SCN1A: variants seen among roughly 807,000 people sequenced by gnomAD.
SCN1A encodes sodium voltage-gated channel alpha subunit 1, also known as sodium channel protein type 1 subunit alpha.
A neutral mutation model predicts 193.7 loss-of-function variants in SCN1A; 13 were observed. That is an observed-to-expected ratio of 0.07 (90% CI 0.04 to 0.11). The LOEUF is 0.11. Among genes scored for constraint, SCN1A ranks in the 10% least tolerant of loss-of-function variants. The pLI is 1.00. For synonymous variants in SCN1A, 781 were observed against 843.6 expected, an observed-to-expected ratio of 0.93 and a Z score of 1.29; for missense variants, 1,432 against 2,451.1, an observed-to-expected ratio of 0.58 and a Z score of 8.78.
intron 4 of SCN1A, among the ~76,000 whole-genome samples, chr2:166,067,700 C>CTTTTTTT (rs5836079): frequency 1.6e-5 from 2 of 128,370 alleles, no homozygotes; most frequent in African/African-American, 2.9e-5. Flanking sequence ...GAGTACATAG[C>CTTTTTTT]TTTTTTTTTT....
chr2:166,146,356 A>G (rs1267313510), intron 1 of SCN1A, among the ~76,000 whole-genome samples: 1 of 152,122 alleles, frequency 6.6e-6, no homozygotes. Flanking sequence ...ATAAGTTTTA[A>G]CCTACCTACT....
In SCN1A at chr2:166,127,875, A is replaced by G. The variant is rs1691431253; in HGVS notation, c.-333T>C. 1 of 152,098 alleles carries G rather than the reference A, an allele frequency of 6.6e-6. No homozygotes were observed. The highest frequency in any genetic ancestry group is 2.4e-5 in the African/African-American group (1 of 41,390). The allele number at this position is 152,098 out of a possible 1,614,324, so 9.4% of individuals were successfully genotyped here. On this transcript the variant is annotated 5_prime_UTR_variant, in exon 1 of 29. Transcript: ENST00000674923. ...TGCAATTGTTCAGATTCCTTCTTGC[A>G]AAAGGTGTCAAAGTATTTACAAGGG...
chr2:166,002,359 T>G (rs1691008422), intron 24 of SCN1A, 113 bp downstream of exon 24: 1 of 1,182,090 alleles, frequency 8.5e-7, no homozygotes, highest in Non-Finnish European at 1.2e-6. Context: ...TTGAAATTTT[T>G]TAAATAGAAA....
In SCN1A at chr2:165,991,202, G is replaced by A. The variant is rs921776771; in HGVS notation, c.*43C>T. 3.3e-6 allele frequency: 5 copies of A among 1,518,764 alleles called. No homozygotes were observed. In the South Asian group the frequency reaches 4.7e-5, roughly 14 times the overall value. 94.1% of individuals were successfully genotyped at this position (1,518,764 alleles called of 1,614,324 possible). ...TGATAAAAATACATCACCTTCACAG[G>A]CTGTAAACAATTTGTCACCCAATTA... On this transcript the variant is annotated 3_prime_UTR_variant, in exon 29 of 29. Transcript: ENST00000674923.
intron 2 of SCN1A, among the ~76,000 whole-genome samples, chr2:166,103,512 A>G (rs981586283): frequency 3.9e-5 from 6 of 151,978 alleles, no homozygotes; most frequent in Non-Finnish European, 8.8e-5. Context: ...AAGTATAACA[A>G]TAAGTTATCT....
rs761115210 is a variant in SCN1A, at chr2:166,036,332, T to G, written c.3145A>C (p.Lys1049Gln). 1.2e-6 allele frequency: 2 copies of G among 1,610,814 alleles called. No homozygotes were observed. Among genetic ancestry groups the G allele is most frequent in the Non-Finnish European group, 1.7e-6 (2 of 1,178,958 alleles). ...IRKQKILDEI[K>Q]PLDDLNNKKD... ...TTGTTGTTTAGATCATCAAGTGGTT[T>G]AATTTCATCTAAAATCTTTTGTTTC... Residue 1049 changes from lysine (K) to glutamine (Q), a missense_variant, in exon 19 of 29, where the codon AAA becomes CAA. By Grantham distance (53) the Lys-to-Gln change is moderately conservative. Coordinates refer to ENST00000674923, the MANE Select transcript of SCN1A (RefSeq NM_001165963.4).
At chr2:166,116,372 T>G (rs1177013824) in intron 2 of SCN1A, among the ~76,000 whole-genome samples, 2 of 152,210 alleles carry the variant, frequency 1.3e-5, no homozygotes, top group African/African-American at 4.8e-5. Flanking sequence ...GCAACAATTT[T>G]TACTCACTTT....
At chr2:166,021,863 C>G (rs1398949368) in intron 19 of SCN1A, among the ~76,000 whole-genome samples, 2 of 152,056 alleles carry the variant, frequency 1.3e-5, no homozygotes, top group East Asian at 3.9e-4. Flanking sequence ...CCTTAAGTGG[C>G]TGAAGGCTTT....
intron 2 of SCN1A, among the ~76,000 whole-genome samples, chr2:166,122,979 A>G (rs1484293742): frequency 6.6e-6 from 1 of 152,144 alleles, no homozygotes; most frequent in African/African-American, 2.4e-5. Flanking sequence ...GAGAAAAGCT[A>G]AAATGTCAGG....
intron 5 of SCN1A, 48 bp from the exon 6 acceptor site, chr2:166,056,548 T>C (rs771629655): frequency 1.5e-6 from 2 of 1,355,178 alleles, no homozygotes; most frequent in Non-Finnish European, 1.1e-6. Context: ...AATCCAAGTG[T>C]TATATTACAA....
chr2:166,010,337 A>G (rs1474266379), intron 22 of SCN1A, among the ~76,000 whole-genome samples: 1 of 151,176 alleles, frequency 6.6e-6, no homozygotes, highest in Admixed American at 6.6e-5. Flanking sequence ...ATCAGTTTTG[A>G]AGGTGATATT....
At chr2:166,030,076 T>C (rs1422752346) in intron 19 of SCN1A, among the ~76,000 whole-genome samples, 1 of 152,222 alleles carries the variant, frequency 6.6e-6, no homozygotes, top group Admixed American at 6.5e-5. Flanking sequence ...AGTTGACACC[T>C]GTACCTAGTT....
chr2:166,129,472 T>C (rs1285314605), upstream of SCN1A, among the ~76,000 whole-genome samples: 1 of 152,160 alleles, frequency 6.6e-6, no homozygotes, highest in Non-Finnish European at 1.5e-5. Context: ...GCTCAAAAAC[T>C]CTATCCAGTG....
At chr2:166,103,893 C>T (rs1688410462) in intron 2 of SCN1A, among the ~76,000 whole-genome samples, 1 of 152,118 alleles carries the variant, frequency 6.6e-6, no homozygotes. Context: ...AAAAATGTAG[C>T]TAATTAAAGT....
At chr2:166,123,310 G>T (rs1690836407) in intron 2 of SCN1A, among the ~76,000 whole-genome samples, 1 of 149,216 alleles carries the variant, frequency 6.7e-6, no homozygotes, top group Non-Finnish European at 1.5e-5. Flanking sequence ...GGCCACTATG[G>T]GGGATGTAAA....
intron 2 of SCN1A, among the ~76,000 whole-genome samples, chr2:166,121,333 A>C (rs1195096374): frequency 6.6e-6 from 1 of 152,176 alleles, no homozygotes; most frequent in Non-Finnish European, 1.5e-5. Context: ...CATTGCTTTT[A>C]TACTTAAATT....
chr2:166,008,199 A>G (rs1691915383), intron 23 of SCN1A, among the ~76,000 whole-genome samples: 1 of 151,296 alleles, frequency 6.6e-6, no homozygotes, highest in Non-Finnish European at 1.5e-5. Context: ...TATTTCTGAG[A>G]AAATTAAAAG....
chr2:166,144,996 C>T (rs577777465), intron 1 of SCN1A, among the ~76,000 whole-genome samples: 1 of 152,054 alleles, frequency 6.6e-6, no homozygotes, highest in East Asian at 1.9e-4. Context: ...ACCACCATGC[C>T]TAGCTAATTT....
intron 19 of SCN1A, chr2:166,026,983 T>C (rs1559173730): frequency 6.6e-6 from 1 of 152,224 alleles, no homozygotes; most frequent in Admixed American, 6.5e-5. Flanking sequence ...TATTAAACCA[T>C]GAATCAACCT....
Sources: allele counts gnomAD v4.1 joint callset (sites outside exome capture counted in the v4.1 genomes callset), GRCh38; gene constraint gnomAD v4.1.1; transcripts MANE v1.5; gene names NCBI Gene and HGNC (gene_info 2026-07-23, HGNC 2026-07-21).